The following PTPRM variants were observed in gnomAD, a reference collection of about 807,000 sequenced individuals.
PTPRM encodes protein tyrosine phosphatase receptor type M.
In PTPRM, 47 loss-of-function variants were observed where a neutral mutation model predicts 186.7. The ratio of observed to expected loss-of-function variants is 0.25; its 90% confidence interval spans 0.20 to 0.32. The LOEUF (loss-of-function observed/expected upper bound fraction) is 0.32, where lower values mean the gene tolerates loss of function less well. PTPRM is among the 10% of genes least tolerant of loss of function. PTPRM has a pLI of 1.00. For synonymous variants in PTPRM, 668 were observed against 674.9 expected, an observed-to-expected ratio of 0.99 and a Z score of 0.16; for missense variants, 1,494 against 1,865.0, an observed-to-expected ratio of 0.80 and a Z score of 3.66.
chr18:8,378,472 C>T, intron 27 of PTPRM, 58 bp downstream of exon 27: 1 of 1,577,824 alleles, frequency 6.3e-7, no homozygotes, highest in Non-Finnish European at 8.7e-7. Context: ...AGAAGGATTT[C>T]AAGGTCAGCA....
intron 4 of PTPRM, among the ~76,000 whole-genome samples, chr18:7,913,503 T>A (rs368608936): frequency 6.6e-6 from 1 of 152,216 alleles, no homozygotes; most frequent in African/African-American, 2.4e-5. Context: ...AGTTCCTTTT[T>A]CTTCCTAGTT....
chr18:8,226,989 C>T (rs558254071), intron 14 of PTPRM, among the ~76,000 whole-genome samples: 2 of 152,184 alleles, frequency 1.3e-5, no homozygotes, highest in Non-Finnish European at 2.9e-5. Flanking sequence ...CTTAAGGTGT[C>T]ATGTGATAAC....
intron 19 of PTPRM, among the ~76,000 whole-genome samples, chr18:8,283,422 A>C (rs1261835572): frequency 2.6e-5 from 4 of 152,244 alleles, no homozygotes; most frequent in African/African-American, 4.8e-5. Context: ...TATCCTGATA[A>C]TAAGGTTAAC....
At chr18:8,097,621 G>C (rs1441172875) in intron 11 of PTPRM, among the ~76,000 whole-genome samples, 2 of 152,164 alleles carry the variant, frequency 1.3e-5, no homozygotes, top group Admixed American at 6.5e-5. Context: ...GTCTAGAAAA[G>C]TACAGGGTAC....
intron 2 of PTPRM, among the ~76,000 whole-genome samples, chr18:7,820,762 G>A (rs949782759): frequency 3.3e-5 from 5 of 152,172 alleles, no homozygotes; most frequent in African/African-American, 7.2e-5. Context: ...CGGTGGCCTC[G>A]CCTCTCTTTG....
chr18:8,114,293 T>C (rs1239765281), intron 12 of PTPRM, among the ~76,000 whole-genome samples: 1 of 152,184 alleles, frequency 6.6e-6, no homozygotes. Context: ...TGCTTCCCCT[T>C]CCTGCTCAGA....
rs117571048 is a variant in PTPRM at position 7,573,069 on chromosome 18, A to G, written c.73+5178A>G. On this transcript the variant is annotated intron_variant, in intron 1 of 32. Transcript: ENST00000580170. Reference sequence around the variant, plus strand: ...AAGCTTCCTAGTCTGTAGTGCCCCCATCATTGGTGAGGAGGCTGGCAAGGC... The same window carrying G: ...AAGCTTCCTAGTCTGTAGTGCCCCCGTCATTGGTGAGGAGGCTGGCAAGGC... Among the ~76,000 whole-genome samples the G allele has an allele frequency of 9.7e-3, 1,483 of 152,278 alleles. 37 individuals carry two copies. The highest frequency in any genetic ancestry group is 0.03 in the Admixed American group (465 of 15,302).
At chr18:8,119,562 G>GA (rs2092093718) in intron 13 of PTPRM, among the ~76,000 whole-genome samples, 1 of 152,108 alleles carries the variant, frequency 6.6e-6, no homozygotes, top group African/African-American at 2.4e-5. Flanking sequence ...ATTTTATAGA[G>GA]AAAATGTACT....
chr18:7,744,409 T>C (rs565559813), intron 1 of PTPRM, among the ~76,000 whole-genome samples: 1 of 151,890 alleles, frequency 6.6e-6, no homozygotes, highest in South Asian at 2.1e-4. Flanking sequence ...GGGAGTAAGG[T>C]AGAGTAATTA....
chr18:8,112,056 G>A (rs1286116364), intron 11 of PTPRM, among the ~76,000 whole-genome samples: 1 of 152,136 alleles, frequency 6.6e-6, no homozygotes, highest in Non-Finnish European at 1.5e-5. Context: ...CCACTAATGT[G>A]GAGCATTTTA....
At chr18:8,231,376 G>T (rs1413707117) in intron 14 of PTPRM, among the ~76,000 whole-genome samples, 1 of 152,150 alleles carries the variant, frequency 6.6e-6, no homozygotes, top group African/African-American at 2.4e-5. Context: ...CAGTTTCAGA[G>T]CGGGAAACTG....
intron 4 of PTPRM, among the ~76,000 whole-genome samples, chr18:7,910,127 AT>A (rs1426825878): frequency 6.6e-6 from 1 of 152,208 alleles, no homozygotes; most frequent in Non-Finnish European, 1.5e-5. Flanking sequence ...ATTTTAATAG[AT>A]TTATTGACAT....
intron 23 of PTPRM, among the ~76,000 whole-genome samples, chr18:8,343,784 A>G (rs369674798): frequency 6.6e-6 from 1 of 152,216 alleles, no homozygotes; most frequent in African/African-American, 2.4e-5. Context: ...AGAGCACAAA[A>G]ATACCTCTAA....
chr18:8,027,559 G>A (rs1375458191), intron 7 of PTPRM, among the ~76,000 whole-genome samples: 2 of 152,126 alleles, frequency 1.3e-5, no homozygotes, highest in Non-Finnish European at 2.9e-5. Context: ...ATATTGCATA[G>A]CCAAATACAT....
intron 7 of PTPRM, among the ~76,000 whole-genome samples, chr18:7,986,858 A>G (rs1287223828): frequency 6.6e-6 from 1 of 152,172 alleles, no homozygotes; most frequent in Non-Finnish European, 1.5e-5. Context: ...AAAATGTGAT[A>G]ATCCATTATG....
At chr18:7,640,335 A>C (rs1440669455) in intron 1 of PTPRM, among the ~76,000 whole-genome samples, 1 of 152,166 alleles carries the variant, frequency 6.6e-6, no homozygotes, top group Non-Finnish European at 1.5e-5. Flanking sequence ...TTTGAAGCAA[A>C]TAATTATATG....
intron 1 of PTPRM, among the ~76,000 whole-genome samples, chr18:7,761,274 C>G: frequency 6.6e-6 from 1 of 152,104 alleles, no homozygotes; most frequent in East Asian, 1.9e-4. Flanking sequence ...AGCATGCTTT[C>G]TTTATGGCCT....
rs570808996 is a variant in PTPRM, at chr18:8,238,978, CT to C, written c.2301-5068del. Among the ~76,000 whole-genome samples, 174 of 143,202 alleles carry C rather than the reference CT, an allele frequency of 1.2e-3. 3 individuals are homozygous for C. In the East Asian group the frequency reaches 0.021, roughly 18 times the overall value. 93.9% of individuals were successfully genotyped at this position (143,202 alleles called of 152,430 possible). A position where few individuals can be genotyped will look rare whatever the true frequency, so the allele number is the denominator to read the frequency against. ...TTAGGTACTGGTAAACATAGCTTCT[CT>C]TTTTTTTTTTTAATTTAATTTTATT... is the stretch of plus-strand genomic sequence containing the variant. On this transcript the variant is annotated intron_variant, in intron 14 of 32. Transcript: ENST00000580170.
chr18:7,973,443 A>C (rs1379788083), intron 7 of PTPRM, among the ~76,000 whole-genome samples: 1 of 152,168 alleles, frequency 6.6e-6, no homozygotes, highest in Non-Finnish European at 1.5e-5. Flanking sequence ...TTGGTTTTTA[A>C]ATTATATGTT....
Sources: allele counts gnomAD v4.1 joint callset (sites outside exome capture counted in the v4.1 genomes callset), GRCh38; gene constraint gnomAD v4.1.1; transcripts MANE v1.5; gene names NCBI Gene and HGNC (gene_info 2026-07-23, HGNC 2026-07-21).